Variants in CTC1 observed in about 807,000 individuals in gnomAD.
CTC1 encodes the protein CST complex subunit CTC1.
CTC1 carries 91 observed loss-of-function variants against 136.3 expected under a neutral mutation model. That is an observed-to-expected ratio of 0.67 (90% confidence interval 0.56 to 0.79). The LOEUF is 0.79. Among genes scored for constraint, CTC1 ranks in the 30% least tolerant of loss-of-function variants. The pLI is 0.00. For synonymous variants in CTC1, 606 were observed against 613.8 expected, an observed-to-expected ratio of 0.99 and a Z score of 0.19; for missense variants, 1,432 against 1,498.1, an observed-to-expected ratio of 0.96 and a Z score of 0.73.
intron 1 of CTC1, among the ~76,000 whole-genome samples, chr17:8,247,351 C>G (rs1275919027): frequency 7.1e-6 from 1 of 141,694 alleles, no homozygotes; most frequent in Non-Finnish European, 1.5e-5. Context: ...GCTCTGTTGC[C>G]CAGGCTGGAG....
At chr17:8,242,553 A>AAAAAAATATATATAT (rs1555536345) in intron 2 of CTC1, among the ~76,000 whole-genome samples, 1 of 60,396 alleles carries the variant, frequency 1.7e-5, no homozygotes, top group African/African-American at 6.0e-5. Flanking sequence ...AAAAAAAAAA[A>AAAAAAATATATATAT]ATATATATAT....
chr17:8,229,412 G>T lies in CTC1; in HGVS notation c.3046C>A (p.Leu1016Met). 2 of 1,613,946 alleles carry T rather than the reference G, an allele frequency of 1.2e-6. No homozygotes were observed. Among genetic ancestry groups the T allele is most frequent in the Non-Finnish European group, 1.7e-6 (2 of 1,179,800 alleles). ...TGGAATGGGGACTGACCACCCTGCA[G>T]AAGTTCAGCCAGGTAGATGTGGGGC... is the stretch of plus-strand genomic sequence containing the variant. ...PLPHIYLAEL[L>M]QGGQSPFQAT... The change falls in exon 19 of 23, where the codon CTG (leucine) becomes ATG (methionine). Residue 1016 changes from leucine (L) to methionine (M), a missense_variant. Physicochemically the swap from Leu to Met is conservative, Grantham distance 15. Transcript: ENST00000651323.
Position 8,229,981 on chromosome 17 carries a change from G to C in CTC1, c.2934-13C>G. Reference sequence around the variant, plus strand: ...AACATTGTGAGATCTGCAAGTGGAAGAGGAATAGTGAGTGACCAGGAAGAC... The same window carrying C: ...AACATTGTGAGATCTGCAAGTGGAACAGGAATAGTGAGTGACCAGGAAGAC... On this transcript the variant is annotated splice_polypyrimidine_tract_variant and intron_variant, in intron 17 of 22. Coordinates refer to ENST00000651323, the MANE Select transcript of CTC1 (RefSeq NM_025099.6). 1 of 1,613,110 alleles carries C rather than the reference G, an allele frequency of 6.2e-7. No homozygotes were observed. Among genetic ancestry groups the C allele is most frequent in the Non-Finnish European group, 8.5e-7 (1 of 1,179,166 alleles).
At position 8,230,765 on chromosome 17, in the gene CTC1, A is replaced by C. The variant is rs1987150474; in HGVS notation, c.2670-114T>G. ...AGTATCTGCTAGAACTTCATATATA[A>C]AGTCCTGAAAAAACCTGAGCTCTGC... On this transcript the variant is annotated intron_variant, in intron 15 of 22. Transcript: ENST00000651323. 4.7e-6 allele frequency: 4 copies of C among 849,938 alleles called. No homozygotes were observed. The South Asian group carries it at 6.0e-5, about 13-fold the overall frequency. 52.6% of individuals were successfully genotyped at this position (849,938 alleles called of 1,614,324 possible).
chr17:8,232,497 T>C, intron 11 of CTC1, 22 bp from the exon 12 acceptor site: 1 of 1,604,434 alleles, frequency 6.2e-7, no homozygotes, highest in Non-Finnish European at 8.5e-7. Context: ...AAGTTTTCTG[T>C]TTTGACAAGA....
chr17:8,227,109 T>C lies in CTC1; in HGVS notation c.*1071A>G, dbSNP rs181379019. On this transcript the variant is annotated 3_prime_UTR_variant, in exon 23 of 23. Transcript: ENST00000651323. ...TTCAAATCTTAATATAGGGTATTGC[T>C]ACCATAAAAGCAGCATAAATCCCAA... 6.0e-5 allele frequency: 9 copies of C among 150,666 alleles called. No homozygotes were observed. The East Asian group carries it at 7.7e-4, about 13-fold the overall frequency. The allele number at this position is 150,666 out of a possible 1,614,324, so 9.3% of individuals were successfully genotyped here. A position where few individuals can be genotyped will look rare whatever the true frequency, so the allele number is the denominator to read the frequency against.
chr17:8,240,344 C>T (rs1279776971), intron 2 of CTC1, among the ~76,000 whole-genome samples: 4 of 151,172 alleles, frequency 2.6e-5, no homozygotes, highest in African/African-American at 9.7e-5. Context: ...TTAGTAGAGA[C>T]AGGGTTTCAC....
intron 19 of CTC1, 36 bp downstream of exon 19, chr17:8,229,266 C>T: frequency 6.2e-7 from 1 of 1,614,096 alleles, no homozygotes; most frequent in Non-Finnish European, 8.5e-7. Context: ...CTCTGGCACT[C>T]CATACTCAGT....
At chr17:8,241,015 G>A (rs899783791) in intron 2 of CTC1, among the ~76,000 whole-genome samples, 6 of 151,898 alleles carry the variant, frequency 4.0e-5, no homozygotes, top group East Asian at 1.9e-4. Context: ...TGGGCCGGGC[G>A]CGGTGGCTCA....
intron 18 of CTC1, 97 bp from the exon 19 acceptor site, chr17:8,229,543 T>C (rs555972089): frequency 2.4e-5 from 25 of 1,059,684 alleles, no homozygotes; most frequent in Non-Finnish European, 3.5e-5. Flanking sequence ...TTAGAGGGCA[T>C]CAGGATGGGG....
intron 2 of CTC1, among the ~76,000 whole-genome samples, chr17:8,240,985 C>T (rs1241716165): frequency 2.6e-5 from 4 of 151,954 alleles, no homozygotes. Context: ...AACACAGGCT[C>T]AAGATATGCA....
chr17:8,231,835 A>T lies in CTC1; in HGVS notation c.2386-20T>A, dbSNP rs374816662. On this transcript the variant is annotated intron_variant, in intron 13 of 22. Coordinates refer to ENST00000651323, the MANE Select transcript of CTC1 (RefSeq NM_025099.6). ...GTGAACCTGGGAGGATGGAGAGCAA[A>T]GTGCTGGGATCCTAGCCAGAGGCTC... is the stretch of plus-strand genomic sequence containing the variant. 2.2e-5 allele frequency: 35 copies of T among 1,614,044 alleles called. No individual in the cohort carries two copies. The East Asian group carries it at 7.4e-4, about 34-fold the overall frequency.
chr17:8,231,913 T>C lies in CTC1; in HGVS notation c.2375A>G (p.Asn792Ser), dbSNP rs1245008176. ...GGAGTCCCAGTTTACCTTCTGATCA[T>C]TGTCGTCATTTCCCTGGGGCTCGGG... Reference protein sequence around the residue: ...GLPEPQGNDDNDQKVHLIFFG... With the variant: ...GLPEPQGNDDSDQKVHLIFFG... Residue 792 changes from asparagine to serine, a missense_variant, in exon 13 of 23, where the codon AAT (asparagine) becomes AGT (serine). Transcript: ENST00000651323. 1.4e-5 allele frequency: 22 copies of C among 1,613,648 alleles called. No individual in the cohort carries two copies. Among genetic ancestry groups the C allele is most frequent in the Non-Finnish European group, 1.6e-5 (19 of 1,179,824 alleles).
At chr17:8,236,764 T>C (rs1392811639) in intron 5 of CTC1, among the ~76,000 whole-genome samples, 5 of 152,202 alleles carry the variant, frequency 3.3e-5, no homozygotes, top group Middle Eastern at 3.2e-3. Flanking sequence ...AAAATACATA[T>C]ATTTTTAAAA....
intron 2 of CTC1, among the ~76,000 whole-genome samples, chr17:8,242,490 A>G (rs1045600345): frequency 3.5e-5 from 5 of 142,820 alleles, no homozygotes; most frequent in African/African-American, 1.3e-4. Flanking sequence ...CTTGTGCTTT[A>G]CTAACGTTGC....
At position 8,228,523 on chromosome 17, in the gene CTC1, G is replaced by C; in HGVS notation, c.3494C>G (p.Pro1165Arg). 6.2e-7 allele frequency: 1 copy of C among 1,614,032 alleles called. No individual in the cohort carries two copies. The highest frequency in any genetic ancestry group is 8.5e-7 in the Non-Finnish European group (1 of 1,180,000). Residue 1165 changes from proline to arginine, a missense_variant, in exon 22 of 23, where the codon CCG (proline) becomes CGG (arginine). Transcript: ENST00000651323. ...CTTACCTAATGGGACGATCTTCGAC[G>C]GTTTCCTTTCCAGCTCAAAAGAAAG... is the stretch of plus-strand genomic sequence containing the variant. The part of the protein sequence containing the change: ...IVLSFELERK[P>R]SKIVPLEPPR...
In CTC1 at chr17:8,235,844, C is replaced by T; in HGVS notation, c.1193G>A (p.Gly398Glu). 2 of 1,612,268 alleles carry T rather than the reference C, an allele frequency of 1.2e-6. No homozygotes were observed. The highest frequency in any genetic ancestry group is 1.7e-6 in the Non-Finnish European group (2 of 1,178,690). ...GATCTCACATACCTGCAGACACACT[C>T]CAGGTCGCATCACCCGCCTAAGGCC... ...FRGLRRVMRPGVCLQLQDVHL... is the reference protein window; with the variant it reads ...FRGLRRVMRPEVCLQLQDVHL... Residue 398 changes from glycine to glutamate, a missense_variant, in exon 7 of 23, where the codon GGA becomes GAA. Transcript: ENST00000651323.
At position 8,233,350 on chromosome 17, in the gene CTC1, C is replaced by T. The variant is rs552108785; in HGVS notation, c.1819-318G>A. 7.2e-5 allele frequency: 18 copies of T among 250,944 alleles called. 1 individual carries two copies. Among genetic ancestry groups the T allele is most frequent in the South Asian group, 2.1e-4 (5 of 23,336 alleles). 15.5% of individuals were successfully genotyped at this position (250,944 alleles called of 1,614,324 possible). ...GGCACGCAAAGAATTTAAGCTGGGGCGCAGTGGCTCACGCCTGTAATCCTA... is the reference window on the plus strand; with the variant it reads ...GGCACGCAAAGAATTTAAGCTGGGGTGCAGTGGCTCACGCCTGTAATCCTA... On this transcript the variant is annotated intron_variant, in intron 10 of 22. Transcript: ENST00000651323.
At chr17:8,234,005 T>C (rs905161925) in intron 10 of CTC1, among the ~76,000 whole-genome samples, 1 of 152,194 alleles carries the variant, frequency 6.6e-6, no homozygotes, top group African/African-American at 2.4e-5. Flanking sequence ...TCCTTTTTTT[T>C]CCTGAGTCTT....
Sources: allele counts gnomAD v4.1 joint callset (sites outside exome capture counted in the v4.1 genomes callset), GRCh38; gene constraint gnomAD v4.1.1; transcripts MANE v1.5; gene names NCBI Gene and HGNC (gene_info 2026-07-23, HGNC 2026-07-21).